DIP2B: variants seen among roughly 807,000 people sequenced by gnomAD.
DIP2B encodes the protein disco-interacting protein 2 homolog B.
Under a neutral mutation model 198.0 loss-of-function variants are expected in DIP2B, and 76 were observed. The ratio of observed to expected loss-of-function variants is 0.38; its 90% confidence interval spans 0.32 to 0.46. DIP2B has a LOEUF of 0.46. Ranked by LOEUF, DIP2B falls within the 20% of genes least tolerant of loss-of-function variation. The pLI is 0.99. For synonymous variants in DIP2B, 701 were observed against 739.1 expected (o/e 0.95, Z 0.84); for missense variants, 1,559 against 1,978.4 (o/e 0.79, Z 4.02).
At chr12:50,708,048 G>C (rs1431623503) in intron 21 of DIP2B, among the ~76,000 whole-genome samples, 1 of 151,904 alleles carries the variant, frequency 6.6e-6, no homozygotes, top group African/African-American at 2.4e-5. Context: ...ACCTCATTCA[G>C]GTCTCTGCTC....
At chr12:50,624,396 G>A (rs553296983) in intron 1 of DIP2B, among the ~76,000 whole-genome samples, 4 of 152,132 alleles carry the variant, frequency 2.6e-5, no homozygotes, top group South Asian at 2.1e-4. Context: ...GCAGTGGCGC[G>A]ATCTCGGCTC....
chr12:50,569,911 C>T (rs1212239170), intron 1 of DIP2B, among the ~76,000 whole-genome samples: 2 of 152,112 alleles, frequency 1.3e-5, no homozygotes, highest in East Asian at 3.8e-4. Context: ...ACTAATAAGT[C>T]TAAAACCCAT....
chr12:50,530,536 CA>C (rs1958207624), intron 1 of DIP2B, among the ~76,000 whole-genome samples: 1 of 152,170 alleles, frequency 6.6e-6, no homozygotes, highest in South Asian at 2.1e-4. Context: ...CTGTGTCACA[CA>C]ACCAAGTGAT....
intron 35 of DIP2B, among the ~76,000 whole-genome samples, chr12:50,737,422 T>TA: frequency 6.6e-6 from 1 of 152,304 alleles, no homozygotes; most frequent in Non-Finnish European, 1.5e-5. Flanking sequence ...GTCACATACT[T>TA]ACAAATTTTT....
chr12:50,673,365 G>A (rs151203627), intron 5 of DIP2B, among the ~76,000 whole-genome samples: 1 of 152,246 alleles, frequency 6.6e-6, no homozygotes, highest in East Asian at 1.9e-4. Flanking sequence ...ATTAGAGGGA[G>A]GAAAATGTAT....
chr12:50,628,195 A>AC (rs1378492983), intron 2 of DIP2B, among the ~76,000 whole-genome samples: 10 of 151,962 alleles, frequency 6.6e-5, no homozygotes, highest in African/African-American at 2.4e-4. Flanking sequence ...ACATGGCGAA[A>AC]CCCCATCTCT....
At position 50,716,843 on chromosome 12, in the gene DIP2B, C is replaced by T. The variant is rs4360755; in HGVS notation, c.2852-1866C>T. On this transcript the variant is annotated intron_variant, in intron 23 of 37. Transcript: ENST00000301180. Reference sequence around the variant, plus strand: ...GAAGAGAGCAACCTAGCACTTTTTTCTAGAGAGGGAGTGGGCTCCCCCGTT... The same window carrying T: ...GAAGAGAGCAACCTAGCACTTTTTTTTAGAGAGGGAGTGGGCTCCCCCGTT... Among the ~76,000 whole-genome samples, 143 of 151,744 alleles carry T rather than the reference C, an allele frequency of 9.4e-4. 2 individuals carry two copies. Among genetic ancestry groups the T allele is most frequent in the African/African-American group, 3.2e-3 (133 of 41,390 alleles).
At chr12:50,543,034 ATTT>A (rs202104404) in intron 1 of DIP2B, among the ~76,000 whole-genome samples, 3 of 150,074 alleles carry the variant, frequency 2.0e-5, no homozygotes, top group Non-Finnish European at 4.5e-5. Context: ...TGCCTGGCTA[ATTT>A]TTTTTTGGTC....
intron 3 of DIP2B, among the ~76,000 whole-genome samples, chr12:50,646,029 A>G (rs768189245): frequency 1.2e-4 from 18 of 152,026 alleles, no homozygotes; most frequent in Admixed American, 5.9e-4. Flanking sequence ...TATTTTTTCA[A>G]TCTTTCATTA....
At chr12:50,591,673 T>C (rs917333770) in intron 1 of DIP2B, among the ~76,000 whole-genome samples, 1 of 151,724 alleles carries the variant, frequency 6.6e-6, no homozygotes, top group Non-Finnish European at 1.5e-5. Flanking sequence ...TTGCCCAGAC[T>C]GGTCTCCAAC....
At chr12:50,690,308 G>A (rs959361705) in intron 12 of DIP2B, among the ~76,000 whole-genome samples, 4 of 152,120 alleles carry the variant, frequency 2.6e-5, no homozygotes, top group Non-Finnish European at 5.9e-5. Flanking sequence ...GGGTGGTCTC[G>A]ATCTCCTGAC....
chr12:50,616,702 C>T (rs918789606), intron 1 of DIP2B, among the ~76,000 whole-genome samples: 4 of 152,142 alleles, frequency 2.6e-5, no homozygotes, highest in Non-Finnish European at 4.4e-5. Context: ...CTGTGAGCTT[C>T]ATTTTGTATG....
At chr12:50,585,851 T>C (rs1958765584) in intron 1 of DIP2B, among the ~76,000 whole-genome samples, 1 of 152,238 alleles carries the variant, frequency 6.6e-6, no homozygotes, top group East Asian at 1.9e-4. Context: ...GATAACACTT[T>C]TGTCATTATC....
At chr12:50,656,774 G>T (rs1047964084) in intron 3 of DIP2B, among the ~76,000 whole-genome samples, 1 of 152,026 alleles carries the variant, frequency 6.6e-6, no homozygotes, top group African/African-American at 2.4e-5. Flanking sequence ...GTTTTGCCAC[G>T]TTGGTCAGGC....
At chr12:50,516,476 A>G (rs1958066263) in intron 1 of DIP2B, among the ~76,000 whole-genome samples, 1 of 151,588 alleles carries the variant, frequency 6.6e-6, no homozygotes, top group Non-Finnish European at 1.5e-5. Context: ...CTGGTCTCAA[A>G]CCCCTGGCCA....
chr12:50,663,872 TAAAAAAA>T (rs397934701), intron 4 of DIP2B, among the ~76,000 whole-genome samples: 24 of 104,844 alleles, frequency 2.3e-4, no homozygotes, highest in African/African-American at 6.6e-4. Context: ...CCCATCTCTT[TAAAAAAA>T]AAAAAAAAAA....
chr12:50,723,964 G>A (rs2139589667), intron 27 of DIP2B, among the ~76,000 whole-genome samples: 1 of 152,286 alleles, frequency 6.6e-6, no homozygotes, highest in East Asian at 1.9e-4. Flanking sequence ...GGATATGAGA[G>A]TTAAAGAAAA....
chr12:50,696,044 A>G lies in DIP2B; in HGVS notation c.1933+77A>G, dbSNP rs1019858800. 3.2e-6 allele frequency: 5 copies of G among 1,575,428 alleles called. No homozygotes were observed. The Admixed American group carries it at 5.3e-5, about 17-fold the overall frequency. On this transcript the variant is annotated intron_variant, in intron 16 of 37. Coordinates refer to ENST00000301180, the MANE Select transcript of DIP2B (RefSeq NM_173602.3). ...AGGGTTTTTCGCCCTGTACTAAGAT[A>G]TAATTCACATACTGAAAAACTCACT... is the stretch of plus-strand genomic sequence containing the variant.
chr12:50,625,779 T>G (rs150256483), intron 1 of DIP2B, among the ~76,000 whole-genome samples, 197 bp from the exon 2 acceptor site: 1 of 152,246 alleles, frequency 6.6e-6, no homozygotes, highest in Non-Finnish European at 1.5e-5. Flanking sequence ...CTCTACAGTA[T>G]TCTACAGGAA....
Sources: gnomAD v4.1 joint callset for allele counts (sites outside exome capture counted in the v4.1 genomes callset) on GRCh38, gnomAD v4.1.1 for gene constraint, MANE v1.5 for transcripts, NCBI Gene and HGNC (gene_info 2026-07-23, HGNC 2026-07-21) for gene names.